FBXO33: variants seen among roughly 807,000 people sequenced by gnomAD.
The protein encoded by FBXO33 is F-box only protein 33.
In FBXO33, 22 loss-of-function variants were observed where a neutral mutation model predicts 46.3. The ratio of observed to expected loss-of-function variants is 0.48; its 90% CI spans 0.34 to 0.68. FBXO33 has a LOEUF of 0.68. Ranked by LOEUF, FBXO33 falls within the 30% of genes least tolerant of loss-of-function variation. The pLI is 0.01. For missense variants in FBXO33, 692 were observed against 708.8 expected (o/e 0.98, Z 0.27); for synonymous variants, 337 against 291.3 (o/e 1.16, Z -1.60).
intron 1 of FBXO33, among the ~76,000 whole-genome samples, chr14:39,419,604 G>A (rs942383740): frequency 6.6e-6 from 1 of 152,170 alleles, no homozygotes; most frequent in African/African-American, 2.4e-5. Flanking sequence ...AGGGAATTGT[G>A]CTACATAATC....
intron 1 of FBXO33, among the ~76,000 whole-genome samples, chr14:39,404,250 G>T (rs2075382015): frequency 6.6e-6 from 1 of 152,214 alleles, no homozygotes. Context: ...TGAAGGACAA[G>T]TACATGGTGC....
chr14:39,421,032 G>C (rs148282617), intron 1 of FBXO33, among the ~76,000 whole-genome samples: 42 of 152,292 alleles, frequency 2.8e-4, no homozygotes, highest in South Asian at 2.3e-3. Context: ...ATGGCACTAT[G>C]AACAGGCATT....
At chr14:39,420,964 A>G (rs2075480029) in intron 1 of FBXO33, among the ~76,000 whole-genome samples, 1 of 152,164 alleles carries the variant, frequency 6.6e-6, no homozygotes, top group Non-Finnish European at 1.5e-5. Context: ...TTAATATAGG[A>G]AAGCTGGTTT....
chr14:39,419,913 CAA>C (rs2075472474), intron 1 of FBXO33, among the ~76,000 whole-genome samples: 1 of 152,136 alleles, frequency 6.6e-6, no homozygotes, highest in Non-Finnish European at 1.5e-5. Context: ...TGAAATATCA[CAA>C]AGTCATAAAC....
intron 1 of FBXO33, among the ~76,000 whole-genome samples, chr14:39,422,990 C>T (rs1327789417): frequency 2.6e-5 from 4 of 151,948 alleles, no homozygotes; most frequent in Admixed American, 1.3e-4. Context: ...GGTGTGGTGG[C>T]GTGTGCCTGT....
At chr14:39,407,319 T>A (rs2075403630) in intron 1 of FBXO33, among the ~76,000 whole-genome samples, 1 of 152,224 alleles carries the variant, frequency 6.6e-6, no homozygotes, top group African/African-American at 2.4e-5. Flanking sequence ...TTCAATACTG[T>A]TAACATGTCA....
chr14:39,431,656 G>A lies in FBXO33; in HGVS notation c.507C>T (p.Val169=). Residue 169 remains valine, a synonymous_variant, in exon 1 of 4, where the codon GTC becomes GTT. Transcript: ENST00000298097. The part of the protein sequence containing the change: ...GADTGTGGEE[V]EALQLSARWL... The stretch of plus-strand genomic sequence containing the variant: ...AACGAGCTGAGAGCTGCAGGGCCTC[G>A]ACTTCCTCCCCTCCAGTCCCGGTGT... The A allele has an allele frequency of 1.2e-6, 2 of 1,613,580 alleles. No individual in the cohort carries two copies. The highest frequency in any genetic ancestry group is 1.7e-6 in the Non-Finnish European group (2 of 1,180,016).
intron 1 of FBXO33, among the ~76,000 whole-genome samples, chr14:39,407,328 C>G (rs2075403658): frequency 6.6e-6 from 1 of 152,202 alleles, no homozygotes; most frequent in Non-Finnish European, 1.5e-5. Flanking sequence ...GTTAACATGT[C>G]AATTCTCCCC....
rs549364147 is a variant in FBXO33, at chr14:39,397,880, A to G, written c.*1636T>C. The G allele has an allele frequency of 2.8e-4, 43 of 152,620 alleles. No individual in the cohort carries two copies. The highest frequency in any genetic ancestry group is 4.9e-4 in the Non-Finnish European group (33 of 68,038). The allele number at this position is 152,620 out of a possible 1,614,324, so 9.5% of individuals were successfully genotyped here. ...TTTCTGTCAGGAGTTATTTTATCTG[A>G]TCACATTTATAAGATAAAATCTCAC... is the stretch of plus-strand genomic sequence containing the variant. On this transcript the variant is annotated 3_prime_UTR_variant, in exon 4 of 4. Coordinates refer to ENST00000298097, the MANE Select transcript of FBXO33 (RefSeq NM_203301.4).
At chr14:39,412,897 C>T (rs970515037) in intron 1 of FBXO33, among the ~76,000 whole-genome samples, 1 of 152,240 alleles carries the variant, frequency 6.6e-6, no homozygotes, top group African/African-American at 2.4e-5. Context: ...CTAAAAAATG[C>T]TAACAATCAC....
At chr14:39,426,673 C>T (rs1288802607) in intron 1 of FBXO33, among the ~76,000 whole-genome samples, 1 of 152,104 alleles carries the variant, frequency 6.6e-6, no homozygotes, top group Non-Finnish European at 1.5e-5. Context: ...CTCGAACAGA[C>T]CAAAAATTTG....
At position 39,402,277 on chromosome 14, in the gene FBXO33, C is replaced by G. The variant is rs535467686; in HGVS notation, c.710+124G>C. Reference sequence around the variant, plus strand: ...TGATCACTGTATTTCACCATTAAAACATTTCCAGGACCTATGTTCCTTTTA... The same window carrying G: ...TGATCACTGTATTTCACCATTAAAAGATTTCCAGGACCTATGTTCCTTTTA... On this transcript the variant is annotated intron_variant, in intron 2 of 3. Coordinates refer to ENST00000298097, the MANE Select transcript of FBXO33 (RefSeq NM_203301.4). 6 of 475,638 alleles carry G rather than the reference C, an allele frequency of 1.3e-5. No homozygotes were observed. In the South Asian group the frequency reaches 4.1e-4, roughly 32 times the overall value. The allele number at this position is 475,638 out of a possible 1,614,324, so 29.5% of individuals were successfully genotyped here.
intron 1 of FBXO33, among the ~76,000 whole-genome samples, chr14:39,422,530 A>G (rs2075490202): frequency 6.6e-6 from 1 of 152,210 alleles, no homozygotes; most frequent in South Asian, 2.1e-4. Context: ...AGTCCTTACA[A>G]GAGCCTCACA....
chr14:39,418,299 G>A lies in FBXO33; in HGVS notation c.599+13265C>T, dbSNP rs1019902865. 4.7e-5 allele frequency among the ~76,000 whole-genome samples: 7 copies of A among 149,204 alleles called. No individual in the cohort carries two copies. The South Asian group carries it at 1.3e-3, about 28-fold the overall frequency. The stretch of plus-strand genomic sequence containing the variant: ...AGGATGGTCTCGATCTCCTGACCTC[G>A]TGATCCGCCTGCCTCAGCCTCCCAA... On this transcript the variant is annotated intron_variant, in intron 1 of 3. Coordinates refer to ENST00000298097, the MANE Select transcript of FBXO33 (RefSeq NM_203301.4).
In FBXO33 at chr14:39,431,885, G is replaced by A. The variant is rs1196755902; in HGVS notation, c.278C>T (p.Ala93Val). The A allele has an allele frequency of 1.9e-6, 3 of 1,564,074 alleles. No homozygotes were observed. The highest frequency in any genetic ancestry group is 2.6e-6 in the Non-Finnish European group (3 of 1,161,244). The change falls in exon 1 of 4, where the codon GCC (alanine) becomes GTC (valine). Residue 93 changes from alanine to valine, a missense_variant. Physicochemically the swap from Ala to Val is moderately conservative, Grantham distance 64 (BLOSUM62 0). Coordinates refer to ENST00000298097, the MANE Select transcript of FBXO33 (RefSeq NM_203301.4). The stretch of plus-strand genomic sequence containing the variant: ...GCACTCACGCCAGTGCGAGCAGGAG[G>A]CCGAGGCCCGCAGCCGGTCGGGCGC... ...LPAPDRLRAS[A>V]SCSHWRECLF...
At chr14:39,423,820 A>G (rs1420169483) in intron 1 of FBXO33, among the ~76,000 whole-genome samples, 2 of 152,144 alleles carry the variant, frequency 1.3e-5, no homozygotes, top group Non-Finnish European at 1.5e-5. Context: ...TAAAAAGTTA[A>G]AATAACTTTT....
chr14:39,428,214 AT>A (rs1041520065), intron 1 of FBXO33, among the ~76,000 whole-genome samples: 1 of 151,544 alleles, frequency 6.6e-6, no homozygotes, highest in Admixed American at 6.6e-5. Flanking sequence ...TTTTTTTTAA[AT>A]TTTTTTTTGA....
intron 1 of FBXO33, among the ~76,000 whole-genome samples, chr14:39,430,979 G>A (rs1435682493): frequency 6.6e-6 from 1 of 152,104 alleles, no homozygotes; most frequent in Admixed American, 6.6e-5. Context: ...TGTATGGGGA[G>A]GGACTTTCAA....
intron 1 of FBXO33, among the ~76,000 whole-genome samples, chr14:39,430,373 CAT>C (rs548017269): frequency 6.6e-6 from 1 of 151,644 alleles, no homozygotes; most frequent in African/African-American, 2.4e-5. Flanking sequence ...ATGGCGCATA[CAT>C]ATATATATAT....
Sources: allele counts gnomAD v4.1 joint callset (sites outside exome capture counted in the v4.1 genomes callset), GRCh38; gene constraint gnomAD v4.1.1; transcripts MANE v1.5; gene names NCBI Gene and HGNC (gene_info 2026-07-23, HGNC 2026-07-21).